The following SERGEF variants were observed in gnomAD, a reference collection of about 807,000 sequenced individuals.
SERGEF encodes the protein secretion regulating guanine nucleotide exchange factor, also known as secretion-regulating guanine nucleotide exchange factor.
A neutral mutation model predicts 50.0 loss-of-function variants in SERGEF; 51 were observed. That is an observed-to-expected ratio of 1.02 (90% CI 0.81 to 1.29). The LOEUF is 1.29. SERGEF is among the 50% of genes most tolerant of loss of function. The pLI is 0.00. For synonymous variants in SERGEF, 205 were observed against 212.4 expected (o/e 0.97, Z 0.30); for missense variants, 521 against 557.0 (o/e 0.94, Z 0.65).
intron 9 of SERGEF, among the ~76,000 whole-genome samples, chr11:17,891,208 A>C (rs1312593810): frequency 6.6e-6 from 1 of 152,204 alleles, no homozygotes; most frequent in African/African-American, 2.4e-5. Flanking sequence ...ATAGGTTATA[A>C]TTTAAAATGT....
chr11:17,951,653 G>T (rs1167245812), intron 9 of SERGEF, among the ~76,000 whole-genome samples: 1 of 152,204 alleles, frequency 6.6e-6, no homozygotes, highest in African/African-American at 2.4e-5. Context: ...AGAGCCCAGG[G>T]TCACACCCTG....
At chr11:17,810,869 A>G (rs1425221682) in intron 10 of SERGEF, among the ~76,000 whole-genome samples, 1 of 152,018 alleles carries the variant, frequency 6.6e-6, no homozygotes, top group African/African-American at 2.4e-5. Context: ...TCTGGGATGC[A>G]AGCCAAGCCT....
At chr11:17,919,840 G>A (rs1852119407) in intron 9 of SERGEF, among the ~76,000 whole-genome samples, 1 of 152,096 alleles carries the variant, frequency 6.6e-6, no homozygotes, top group African/African-American at 2.4e-5. Flanking sequence ...CTGCAACGCG[G>A]GAGGCTGAGG....
chr11:17,994,382 A>C (rs1853788016), intron 6 of SERGEF, among the ~76,000 whole-genome samples: 1 of 145,608 alleles, frequency 6.9e-6, no homozygotes, highest in Non-Finnish European at 1.5e-5. Flanking sequence ...AGGCTGAGGC[A>C]GGAGGATGGC....
intron 10 of SERGEF, among the ~76,000 whole-genome samples, chr11:17,793,861 C>T (rs1438905426): frequency 1.3e-5 from 2 of 152,350 alleles, no homozygotes; most frequent in Admixed American, 6.5e-5. Context: ...ATGGAGCTCA[C>T]AGCCCACCAC....
chr11:17,844,660 C>T (rs898322846), intron 10 of SERGEF, among the ~76,000 whole-genome samples: 1 of 152,170 alleles, frequency 6.6e-6, no homozygotes, highest in South Asian at 2.1e-4. Context: ...AAATGATGGG[C>T]CTCCTGTTGC....
At chr11:17,830,499 C>T (rs1243399849) in intron 10 of SERGEF, among the ~76,000 whole-genome samples, 1 of 151,560 alleles carries the variant, frequency 6.6e-6, no homozygotes, top group African/African-American at 2.4e-5. Context: ...GAGGGCCTTC[C>T]TGATGCATCG....
chr11:18,012,491 G>T, intron 1 of SERGEF: 1 of 1,088,624 alleles, frequency 9.2e-7, no homozygotes, highest in East Asian at 1.0e-4. Context: ...GCCAAACACC[G>T]CAGGCCTCAC....
intron 8 of SERGEF, among the ~76,000 whole-genome samples, chr11:17,979,720 T>C (rs2283236): frequency 0.11 from 17,461 of 152,224 alleles, 1,316 homozygotes; most frequent in Middle Eastern, 0.22. Context: ...CTTTACAGTG[T>C]AGACCCTGAA....
At chr11:18,000,950 G>A in intron 4 of SERGEF, 1 of 360,290 alleles carries the variant, frequency 2.8e-6, no homozygotes, top group East Asian at 7.8e-5. Context: ...GAATGAGCAT[G>A]ACTGTGTGCC....
At chr11:17,929,352 G>A (rs1852310419) in intron 9 of SERGEF, among the ~76,000 whole-genome samples, 1 of 152,084 alleles carries the variant, frequency 6.6e-6, no homozygotes. Context: ...AGGATAATAG[G>A]GCAGCTCAGT....
At chr11:17,799,206 G>A (rs929362761) in intron 10 of SERGEF, among the ~76,000 whole-genome samples, 1 of 152,116 alleles carries the variant, frequency 6.6e-6, no homozygotes, top group African/African-American at 2.4e-5. Flanking sequence ...GAGGTCCAGA[G>A]ATGAAGGGCC....
chr11:17,803,151 T>A (rs192555487), intron 10 of SERGEF, among the ~76,000 whole-genome samples: 37 of 152,336 alleles, frequency 2.4e-4, no homozygotes, highest in Middle Eastern at 6.8e-3. Context: ...CACCCACACA[T>A]GTGGCAGGGC....
chr11:17,940,395 C>T (rs1419167908), intron 9 of SERGEF, among the ~76,000 whole-genome samples: 2 of 152,138 alleles, frequency 1.3e-5, no homozygotes, highest in East Asian at 3.9e-4. Flanking sequence ...TTCCAGTGAC[C>T]GCATCCCCCA....
At chr11:17,889,595 T>G (rs1438419155) in intron 9 of SERGEF, among the ~76,000 whole-genome samples, 1 of 152,166 alleles carries the variant, frequency 6.6e-6, no homozygotes, top group Non-Finnish European at 1.5e-5. Context: ...CAATATATGA[T>G]TCTGAACTGG....
chr11:17,946,448 G>T (rs1281732092), intron 9 of SERGEF, among the ~76,000 whole-genome samples: 1 of 152,298 alleles, frequency 6.6e-6, no homozygotes, highest in East Asian at 1.9e-4. Flanking sequence ...GTCATTATTA[G>T]CAAATACATT....
At chr11:17,804,702 T>C (rs1056679606) in intron 10 of SERGEF, among the ~76,000 whole-genome samples, 4 of 152,328 alleles carry the variant, frequency 2.6e-5, no homozygotes, top group Middle Eastern at 3.4e-3. Flanking sequence ...GTTTGTTACC[T>C]GGAAGAGACT....
chr11:17,833,942 C>T (rs7131344), intron 10 of SERGEF, among the ~76,000 whole-genome samples: 18,668 of 152,138 alleles, frequency 0.12, 1,425 homozygotes, highest in East Asian at 0.34. Flanking sequence ...GGATGAGACT[C>T]TGGACTGTGG....
intron 9 of SERGEF, among the ~76,000 whole-genome samples, chr11:17,943,148 G>A (rs981346288): frequency 6.6e-6 from 1 of 152,026 alleles, no homozygotes; most frequent in African/African-American, 2.4e-5. Flanking sequence ...TGTAAAAATA[G>A]TACTATTTCC....
Sources: gnomAD v4.1 joint callset for allele counts (sites outside exome capture counted in the v4.1 genomes callset) on GRCh38, gnomAD v4.1.1 for gene constraint, MANE v1.5 for transcripts, NCBI Gene and HGNC (gene_info 2026-07-23, HGNC 2026-07-21) for gene names.